STK32B: variants seen among roughly 807,000 people sequenced by gnomAD.
STK32B encodes serine/threonine kinase 32B.
Under a neutral mutation model 52.6 loss-of-function variants are expected in STK32B, and 43 were observed. That is an observed-to-expected ratio of 0.82 (90% CI 0.64 to 1.05). The LOEUF (loss-of-function observed/expected upper bound fraction) is 1.05, where lower values mean the gene tolerates loss of function less well. STK32B is among the 50% of genes least tolerant of loss of function. The probability of loss-of-function intolerance (pLI) is 0.00; values close to 1 mark genes in which losing one functional copy is unlikely to be tolerated. For synonymous variants in STK32B, 238 were observed against 204.3 expected, an observed-to-expected ratio of 1.17 and a Z score of -1.41; for missense variants, 621 against 534.6, an observed-to-expected ratio of 1.16 and a Z score of -1.59.
intron 1 of STK32B, among the ~76,000 whole-genome samples, chr4:5,053,202 G>T (rs1741857579): frequency 6.6e-6 from 1 of 152,212 alleles, no homozygotes; most frequent in Non-Finnish European, 1.5e-5. Flanking sequence ...GGAGTTCCTA[G>T]TCTAATGGCC....
At chr4:5,340,566 A>G (rs1272340547) in intron 4 of STK32B, among the ~76,000 whole-genome samples, 1 of 152,200 alleles carries the variant, frequency 6.6e-6, no homozygotes, top group East Asian at 1.9e-4. Context: ...CTAACTTGTC[A>G]TTGAGAATGA....
chr4:5,450,022 T>C (rs1715844395), intron 7 of STK32B, among the ~76,000 whole-genome samples: 1 of 152,094 alleles, frequency 6.6e-6, no homozygotes, highest in South Asian at 2.1e-4. Flanking sequence ...GCAACCCTAG[T>C]CCATGGAAAA....
At chr4:5,200,973 C>T (rs957535221) in intron 3 of STK32B, among the ~76,000 whole-genome samples, 17 of 152,066 alleles carry the variant, frequency 1.1e-4, no homozygotes, top group African/African-American at 3.4e-4. Context: ...ATTGGATGGG[C>T]GGAGGAAGCA....
intron 9 of STK32B, among the ~76,000 whole-genome samples, chr4:5,461,199 C>T (rs1158759076): frequency 4.6e-5 from 7 of 152,300 alleles, no homozygotes; most frequent in Non-Finnish European, 7.3e-5. Flanking sequence ...ACACCCCACC[C>T]GCTCACCTGT....
chr4:5,139,976 T>C lies in STK32B; in HGVS notation c.108+16T>C, dbSNP rs1317133663. 1 of 1,614,108 alleles carries C rather than the reference T, an allele frequency of 6.2e-7. No homozygotes were observed. The highest frequency in any genetic ancestry group is 1.1e-5 in the South Asian group (1 of 91,076). On this transcript the variant is annotated intron_variant, in intron 2 of 11. Coordinates refer to ENST00000282908, the MANE Select transcript of STK32B (RefSeq NM_018401.3). Reference sequence around the variant, plus strand: ...TTTTGGAAAGGTAAGAATATAAATGTCTGGACCACTGGGCTTAAGTATGTG... The same window carrying C: ...TTTTGGAAAGGTAAGAATATAAATGCCTGGACCACTGGGCTTAAGTATGTG...
chr4:5,052,860 C>G (rs1245571235), intron 1 of STK32B, among the ~76,000 whole-genome samples: 2 of 152,224 alleles, frequency 1.3e-5, no homozygotes, highest in Non-Finnish European at 2.9e-5. Flanking sequence ...ATACTGAGCA[C>G]TTACTATGTT....
chr4:5,118,124 G>A (rs770776113), intron 1 of STK32B, among the ~76,000 whole-genome samples: 3 of 152,160 alleles, frequency 2.0e-5, no homozygotes, highest in Non-Finnish European at 4.4e-5. Context: ...AGTTAGAGAA[G>A]GATTGGCCCT....
chr4:5,150,567 TCAGTC>T (rs1233625167), intron 2 of STK32B, among the ~76,000 whole-genome samples: 1 of 140,028 alleles, frequency 7.1e-6, no homozygotes, highest in Non-Finnish European at 1.7e-5. Flanking sequence ...CACATGAATC[TCAGTC>T]CATTTTTTTT....
chr4:5,317,214 C>CAT (rs1158982113), intron 3 of STK32B, among the ~76,000 whole-genome samples: 698 of 40,666 alleles, frequency 0.017, 40 homozygotes, highest in Middle Eastern at 0.056. Flanking sequence ...ATATATATAA[C>CAT]ATATATATAT....
intron 5 of STK32B, among the ~76,000 whole-genome samples, chr4:5,404,208 G>T (rs545526223): frequency 5.3e-4 from 80 of 152,098 alleles, no homozygotes; most frequent in Non-Finnish European, 9.0e-4. Flanking sequence ...CTGGAGGCTG[G>T]AAGTTCAGGA....
chr4:5,048,375 A>G (rs1741657899), upstream of STK32B, among the ~76,000 whole-genome samples: 1 of 142,766 alleles, frequency 7.0e-6, no homozygotes, highest in South Asian at 2.2e-4. Context: ...ATCTTGGCTC[A>G]CTGCAACTCT....
chr4:5,294,219 C>A (rs1729056086), intron 3 of STK32B, among the ~76,000 whole-genome samples: 3 of 152,088 alleles, frequency 2.0e-5, no homozygotes, highest in African/African-American at 7.2e-5. Flanking sequence ...AGTCAGATAG[C>A]ATGATGCCTC....
chr4:5,274,097 A>G (rs924847284), intron 3 of STK32B, among the ~76,000 whole-genome samples: 4 of 152,196 alleles, frequency 2.6e-5, no homozygotes, highest in Non-Finnish European at 4.4e-5. Context: ...ATCTCAATCA[A>G]AATCCCAGCA....
chr4:5,267,322 A>G (rs1171061007), intron 3 of STK32B, among the ~76,000 whole-genome samples: 2 of 152,194 alleles, frequency 1.3e-5, no homozygotes, highest in African/African-American at 2.4e-5. Context: ...AAAATTGAAT[A>G]AAAGGAAAAA....
chr4:5,243,531 C>T (rs771344802), intron 3 of STK32B, among the ~76,000 whole-genome samples: 3 of 152,152 alleles, frequency 2.0e-5, no homozygotes, highest in Non-Finnish European at 4.4e-5. Flanking sequence ...CAAACAGGGA[C>T]AATTTGACAT....
intron 3 of STK32B, among the ~76,000 whole-genome samples, chr4:5,238,806 GCAC>G (rs989794702): frequency 9.8e-5 from 15 of 152,310 alleles, no homozygotes; most frequent in Middle Eastern, 6.8e-3. Flanking sequence ...CTGCGTGTCA[GCAC>G]CACAAGGCAC....
chr4:5,047,317 A>C (rs1186663503), upstream of STK32B, among the ~76,000 whole-genome samples: 1 of 151,464 alleles, frequency 6.6e-6, no homozygotes, highest in Non-Finnish European at 1.5e-5. Flanking sequence ...GAAGAAGAAC[A>C]ACATACACCA....
Position 5,470,537 on chromosome 4 carries a change from T to A in STK32B, c.1106+2467T>A, listed in dbSNP as rs1319231538. On this transcript the variant is annotated intron_variant, in intron 11 of 11. Transcript: ENST00000282908. This position sits in a 1 kb window ranked among gnomAD's most constrained non-coding sequence, Gnocchi z 4.6. ...CGGCCCTGATGGCTGATAGGCTTCC[T>A]GTCACAGCAGGCGTGCAGGCTTACT... is the stretch of plus-strand genomic sequence containing the variant. Among the ~76,000 whole-genome samples the A allele has an allele frequency of 2.6e-5, 4 of 152,144 alleles. No individual in the cohort carries two copies. The highest frequency in any genetic ancestry group is 7.2e-5 in the African/African-American group (3 of 41,426).
chr4:5,244,671 G>C (rs1032091128), intron 3 of STK32B, among the ~76,000 whole-genome samples: 120 of 151,980 alleles, frequency 7.9e-4, no homozygotes, highest in African/African-American at 2.6e-3. Context: ...GTGATGTTAG[G>C]GTGTCAATTT....
Sources: gnomAD v4.1 joint callset for allele counts (sites outside exome capture counted in the v4.1 genomes callset) on GRCh38, gnomAD v4.1.1 for gene constraint, Gnocchi (gnomAD v3.1) non-coding constraint, MANE v1.5 for transcripts, NCBI Gene and HGNC (gene_info 2026-07-23, HGNC 2026-07-21) for gene names.